TBCK: variants seen among roughly 807,000 people sequenced by gnomAD.
TBCK encodes TBC1 domain containing kinase.
A neutral mutation model predicts 113.4 loss-of-function variants in TBCK; 99 were observed. That is an observed-to-expected ratio of 0.87 (90% CI 0.74 to 1.03). The LOEUF (loss-of-function observed/expected upper bound fraction) is 1.03. TBCK is among the 50% of genes least tolerant of loss of function. The pLI, the probability that TBCK is intolerant of heterozygous loss-of-function variation, is 0.00. For missense variants in TBCK, 1,045 were observed against 1,061.3 expected (o/e 0.98, Z 0.21); for synonymous variants, 369 against 370.8 (o/e 1.00, Z 0.05).
chr4:106,104,304 G>A (rs1289276152), intron 24 of TBCK, among the ~76,000 whole-genome samples: 1 of 152,182 alleles, frequency 6.6e-6, no homozygotes, highest in Non-Finnish European at 1.5e-5. Context: ...ACCAGCAGTG[G>A]CACTGCACCT....
At chr4:106,301,762 C>T (rs958459961) in intron 2 of TBCK, among the ~76,000 whole-genome samples, 2 of 152,052 alleles carry the variant, frequency 1.3e-5, no homozygotes, top group African/African-American at 2.4e-5. Context: ...CAATAACATG[C>T]AGGGTGGGAG....
intron 19 of TBCK, among the ~76,000 whole-genome samples, chr4:106,227,618 A>G (rs1758380299): frequency 1.3e-5 from 2 of 152,030 alleles, no homozygotes; most frequent in Admixed American, 6.6e-5. Context: ...GGAGAATTAC[A>G]TAAAACCATA....
chr4:106,060,328 T>TA (rs927354178), intron 25 of TBCK, among the ~76,000 whole-genome samples: 4 of 151,754 alleles, frequency 2.6e-5, no homozygotes, highest in African/African-American at 9.7e-5. Flanking sequence ...ACTCTCCTGT[T>TA]AGAGGCTAAT....
At chr4:106,294,258 C>T (rs1246264912) in intron 3 of TBCK, among the ~76,000 whole-genome samples, 2 of 150,938 alleles carry the variant, frequency 1.3e-5, no homozygotes, top group East Asian at 4.0e-4. Flanking sequence ...TGGCGCATCG[C>T]GGCTCACCAC....
At chr4:106,159,028 T>C (rs1003203748) in intron 23 of TBCK, among the ~76,000 whole-genome samples, 4 of 142,862 alleles carry the variant, frequency 2.8e-5, no homozygotes, top group Admixed American at 2.1e-4. Flanking sequence ...ATTAACAGAA[T>C]GGAGAGAAAA....
At chr4:106,055,139 TTTACTTTCTACTC>T (rs1735238976) in intron 25 of TBCK, among the ~76,000 whole-genome samples, 1 of 151,702 alleles carries the variant, frequency 6.6e-6, no homozygotes, top group East Asian at 1.9e-4. Flanking sequence ...CAGTGAAAGT[TTTACTTTCTACTC>T]TTAGGCTCCA....
intron 3 of TBCK, among the ~76,000 whole-genome samples, chr4:106,265,384 T>C (rs1368863539): frequency 6.6e-6 from 1 of 151,990 alleles, no homozygotes; most frequent in Admixed American, 6.6e-5. Context: ...TTATAAAGAA[T>C]TCAATTGTAC....
intron 24 of TBCK, among the ~76,000 whole-genome samples, chr4:106,100,948 A>G (rs993662827): frequency 5.3e-5 from 8 of 152,044 alleles, no homozygotes; most frequent in Non-Finnish European, 1.0e-4. Flanking sequence ...ACTAACTTCT[A>G]CTTGTTTTTT....
intron 22 of TBCK, among the ~76,000 whole-genome samples, chr4:106,177,584 A>C (rs577630156): frequency 2.6e-5 from 4 of 151,982 alleles, no homozygotes; most frequent in East Asian, 3.9e-4. Flanking sequence ...ATTAAAAAAA[A>C]CCTGTCTTTT....
intron 2 of TBCK, among the ~76,000 whole-genome samples, chr4:106,303,535 T>C (rs1162544855): frequency 1.3e-5 from 2 of 152,154 alleles, no homozygotes; most frequent in African/African-American, 4.8e-5. Context: ...ATGTTTACTA[T>C]AGACTAAAAA....
At chr4:106,181,073 G>A (rs1018036744) in intron 22 of TBCK, among the ~76,000 whole-genome samples, 11 of 152,260 alleles carry the variant, frequency 7.2e-5, no homozygotes, top group Non-Finnish European at 1.3e-4. Context: ...TAACTGGTGT[G>A]AGATGGTCTC....
At position 106,052,772 on chromosome 4, in the gene TBCK, T is replaced by C. The variant is rs145582958; in HGVS notation, c.2572-6092A>G. ...ATTTTAAAAAAAGTCAAAAAATATA[T>C]AAATATAGACAAGAAAGGTATAACG... is the stretch of plus-strand genomic sequence containing the variant. On this transcript the variant is annotated intron_variant, in intron 25 of 25. Transcript: ENST00000394708. Among the ~76,000 whole-genome samples the C allele has an allele frequency of 3.3e-5, 5 of 151,704 alleles. No homozygotes were observed. In the East Asian group the frequency reaches 9.7e-4, roughly 29 times the overall value.
At chr4:106,083,050 T>G (rs1193419714) in intron 25 of TBCK, among the ~76,000 whole-genome samples, 1 of 152,254 alleles carries the variant, frequency 6.6e-6, no homozygotes, top group African/African-American at 2.4e-5. Context: ...AGCTGGAATC[T>G]GCTTAAGCCC....
intron 25 of TBCK, among the ~76,000 whole-genome samples, chr4:106,050,320 G>C (rs1012689398): frequency 6.6e-6 from 1 of 151,898 alleles, no homozygotes; most frequent in Non-Finnish European, 1.5e-5. Context: ...TGCAATACTT[G>C]AACAATGCAA....
chr4:106,188,368 C>T (rs1482682066), intron 22 of TBCK, among the ~76,000 whole-genome samples: 1 of 152,148 alleles, frequency 6.6e-6, no homozygotes, highest in Non-Finnish European at 1.5e-5. Context: ...TTTTAATCTA[C>T]TTCAAAAGTG....
chr4:106,212,724 G>T, intron 20 of TBCK, 26 bp downstream of exon 20: 2 of 1,471,902 alleles, frequency 1.4e-6, no homozygotes, highest in Non-Finnish European at 1.9e-6. Flanking sequence ...TTAACCACAT[G>T]TTCTATTAAT....
At chr4:106,155,993 C>T (rs764170682) in intron 23 of TBCK, among the ~76,000 whole-genome samples, 1 of 152,034 alleles carries the variant, frequency 6.6e-6, no homozygotes, top group Admixed American at 6.6e-5. Context: ...TTATTGTAGT[C>T]TTCACAGTCT....
chr4:106,267,351 T>G (rs1022741852), intron 3 of TBCK, among the ~76,000 whole-genome samples: 1 of 152,022 alleles, frequency 6.6e-6, no homozygotes, highest in African/African-American at 2.4e-5. Context: ...TATTAAAACA[T>G]ATCAATTGAG....
intron 23 of TBCK, among the ~76,000 whole-genome samples, chr4:106,139,108 G>C (rs1284321053): frequency 7.1e-6 from 1 of 139,960 alleles, no homozygotes; most frequent in African/African-American, 2.5e-5. Context: ...TTTTTGCTCT[G>C]GTCCTCCTTG....
Sources: allele counts gnomAD v4.1 joint callset (sites outside exome capture counted in the v4.1 genomes callset), GRCh38; gene constraint gnomAD v4.1.1; transcripts MANE v1.5; gene names NCBI Gene and HGNC (gene_info 2026-07-23, HGNC 2026-07-21).